The following TACC2 variants were observed in gnomAD, a reference collection of about 807,000 sequenced individuals.
TACC2 encodes the protein transforming acidic coiled-coil-containing protein 2.
A neutral mutation model predicts 227.3 loss-of-function variants in TACC2; 137 were observed. That is an observed-to-expected ratio of 0.60 (90% CI 0.52 to 0.69). TACC2 has a LOEUF of 0.69. Among genes scored for constraint, TACC2 ranks in the 30% least tolerant of loss-of-function variants. The pLI, the probability that TACC2 is intolerant of heterozygous loss-of-function variation, is 0.00. For synonymous variants in TACC2, 1,523 were observed against 1,487.5 expected (o/e 1.02, Z -0.55); for missense variants, 3,470 against 3,694.4 (o/e 0.94, Z 1.57).
chr10:122,155,323 C>CT (rs2092392398), intron 7 of TACC2, among the ~76,000 whole-genome samples: 2 of 152,178 alleles, frequency 1.3e-5, no homozygotes, highest in African/African-American at 4.8e-5. Flanking sequence ...CTTAAAAGGC[C>CT]TTTTATTCCT....
chr10:122,127,671 A>AT (rs2087150806), intron 5 of TACC2, among the ~76,000 whole-genome samples: 1 of 152,120 alleles, frequency 6.6e-6, no homozygotes, highest in Non-Finnish European at 1.5e-5. Flanking sequence ...CTTAGAAGCC[A>AT]TTTATAGCCT....
intron 7 of TACC2, among the ~76,000 whole-genome samples, chr10:122,169,358 C>T (rs919954825): frequency 6.6e-6 from 1 of 152,110 alleles, no homozygotes; most frequent in South Asian, 2.1e-4. Context: ...AGGTGGGTGA[C>T]TTCTATAGAT....
intron 16 of TACC2, among the ~76,000 whole-genome samples, chr10:122,234,383 A>G (rs1160345137): frequency 3.3e-5 from 5 of 152,242 alleles, no homozygotes; most frequent in African/African-American, 1.2e-4. Context: ...CAGCCATTTC[A>G]CATTTCAATT....
intron 5 of TACC2, 40 bp from the exon 6 acceptor site, chr10:122,132,569 A>G (rs1380502467): frequency 3.7e-6 from 6 of 1,611,552 alleles, no homozygotes; most frequent in African/African-American, 1.3e-5. Flanking sequence ...ACTTGTAGGA[A>G]TGTTTCTGAG....
chr10:122,195,364 T>G (rs115908985), intron 8 of TACC2, among the ~76,000 whole-genome samples, 188 bp downstream of exon 8: 1 of 152,134 alleles, frequency 6.6e-6, no homozygotes, highest in African/African-American at 2.4e-5. Flanking sequence ...CTGGATTATT[T>G]TGCATTTGCT....
chr10:122,122,923 C>T (rs1297942482), intron 5 of TACC2, among the ~76,000 whole-genome samples: 1 of 152,144 alleles, frequency 6.6e-6, no homozygotes, highest in Non-Finnish European at 1.5e-5. Context: ...AAAATAAAAT[C>T]AGCATGCTTG....
chr10:121,992,537 A>G (rs1953069211), intron 1 of TACC2, among the ~76,000 whole-genome samples: 1 of 152,234 alleles, frequency 6.6e-6, no homozygotes, highest in South Asian at 2.1e-4. Flanking sequence ...GCTTTTATGT[A>G]CATCATCATG....
chr10:122,148,372 G>C (rs979664697), intron 7 of TACC2, among the ~76,000 whole-genome samples: 2 of 152,234 alleles, frequency 1.3e-5, no homozygotes, highest in African/African-American at 4.8e-5. Flanking sequence ...CCAAAGTGCT[G>C]GGATTACAGG....
chr10:122,071,181 G>T (rs1381114762), intron 3 of TACC2, among the ~76,000 whole-genome samples: 2 of 152,172 alleles, frequency 1.3e-5, no homozygotes, highest in East Asian at 3.8e-4. Context: ...TTAAAAACAG[G>T]TATTTTCTCT....
intron 5 of TACC2, among the ~76,000 whole-genome samples, chr10:122,094,545 C>T (rs550234935): frequency 7.2e-5 from 11 of 152,340 alleles, no homozygotes; most frequent in African/African-American, 2.6e-4. Context: ...TCCTAAAGCA[C>T]TGGGATTATT....
intron 6 of TACC2, 48 bp from the exon 7 acceptor site, chr10:122,143,524 T>G (rs79781753): frequency 9.4e-6 from 15 of 1,591,352 alleles, no homozygotes; most frequent in Admixed American, 1.7e-5. Context: ...GAATGTGCCA[T>G]TAATGAGCCC....
chr10:122,101,723 C>CTTTTTTTTTTTT (rs1179126977), intron 5 of TACC2, among the ~76,000 whole-genome samples: 175 of 55,752 alleles, frequency 3.1e-3, no homozygotes, highest in East Asian at 7.2e-3. Flanking sequence ...CCATGCCCAG[C>CTTTTTTTTTTTT]TTTTTTTTTT....
intron 3 of TACC2, among the ~76,000 whole-genome samples, chr10:122,057,592 C>T (rs982563383): frequency 2.0e-5 from 3 of 151,976 alleles, no homozygotes; most frequent in Non-Finnish European, 4.4e-5. Context: ...CACCTGAGGT[C>T]GGGAGTTCGA....
chr10:122,205,846 A>G lies in TACC2; in HGVS notation c.5972-4551A>G, dbSNP rs2095086442. Among the ~76,000 whole-genome samples the G allele has an allele frequency of 6.6e-6, 1 of 152,226 alleles. No homozygotes were observed. Among genetic ancestry groups the G allele is most frequent in the South Asian group, 2.1e-4 (1 of 4,834 alleles). ...TACCCACAGCAACCAGCAAACTGCCACAGAAAGACCAAGTACTGCTTTGTA... is the reference window on the plus strand; with the variant it reads ...TACCCACAGCAACCAGCAAACTGCCGCAGAAAGACCAAGTACTGCTTTGTA... On this transcript the variant is annotated intron_variant, in intron 8 of 22. Transcript: ENST00000369005. This position sits in a 1 kb window ranked among gnomAD's most constrained non-coding sequence, Gnocchi z 4.5.
In TACC2 at chr10:122,084,738, G is replaced by A. The variant is rs755723859; in HGVS notation, c.2238G>A (p.Lys746=). 2 of 1,613,644 alleles carry A rather than the reference G, an allele frequency of 1.2e-6. No individual in the cohort carries two copies. The highest frequency in any genetic ancestry group is 1.1e-5 in the South Asian group (1 of 91,090). Reference sequence around the variant, plus strand: ...GTGAGAGCACATTGGAAATAAGGAAGATGGGCAGCTGTGATGGGGAGGGCT... The same window carrying A: ...GTGAGAGCACATTGGAAATAAGGAAAATGGGCAGCTGTGATGGGGAGGGCT... ...QEGESTLEIR[K]MGSCDGEGLL... Residue 746 remains lysine, a synonymous_variant, in exon 4 of 23, where the codon AAG becomes AAA. Transcript: ENST00000369005.
At chr10:122,165,545 G>T (rs1178279741) in intron 7 of TACC2, among the ~76,000 whole-genome samples, 2 of 152,202 alleles carry the variant, frequency 1.3e-5, no homozygotes, top group Non-Finnish European at 2.9e-5. Flanking sequence ...TTAGGTAGCT[G>T]TGCCTTTTTG....
rs2079866905 is a variant in TACC2 at position 122,084,388 on chromosome 10, T to C, written c.1888T>C (p.Ser630Pro). The change falls in exon 4 of 23, where the codon TCA becomes CCA. Residue 630 changes from serine to proline, a missense_variant. By Grantham distance (74) the Ser-to-Pro change is moderately conservative. Around this residue, in one of 10 missense-constraint regions of TACC2, gnomAD observed 1,924 missense variants for 1,978.3 expected, o/e 0.97. Transcript: ENST00000369005. Reference protein sequence around the residue: ...SDAESRDHPSSHSAQPPRKGG... With the variant: ...SDAESRDHPSPHSAQPPRKGG... ...TGCAGAGAGCAGAGACCATCCCAGC[T>C]CACACTCAGCACAGCCACCCAGAAA... The C allele has an allele frequency of 6.2e-7, 1 of 1,613,106 alleles. No homozygotes were observed. The highest frequency in any genetic ancestry group is 1.7e-5 in the Admixed American group (1 of 60,006).
intron 1 of TACC2, among the ~76,000 whole-genome samples, chr10:121,992,908 T>G (rs1349605252): frequency 6.7e-6 from 1 of 150,330 alleles, no homozygotes; most frequent in Non-Finnish European, 1.5e-5. Flanking sequence ...TGAGCCAAGA[T>G]CGTGCCACTG....
At chr10:122,064,160 T>C (rs906603366) in intron 3 of TACC2, among the ~76,000 whole-genome samples, 1 of 152,080 alleles carries the variant, frequency 6.6e-6, no homozygotes, top group African/African-American at 2.4e-5. Context: ...AGACTCTGTC[T>C]CAAACAACAA....
Sources: allele counts gnomAD v4.1 joint callset (sites outside exome capture counted in the v4.1 genomes callset), GRCh38; gene constraint gnomAD v4.1.1; regional missense constraint gnomAD v4.1.1; non-coding constraint Gnocchi (gnomAD v3.1); transcripts MANE v1.5; gene names NCBI Gene and HGNC (gene_info 2026-07-23, HGNC 2026-07-21).